The following OR9Q1 variants were observed in gnomAD, a reference collection of about 807,000 sequenced individuals.
OR9Q1 encodes olfactory receptor family 9 subfamily Q member 1, also known as olfactory receptor 9Q1.
For synonymous variants in OR9Q1, 153 were observed against 148.6 expected (o/e 1.03, Z -0.22); for missense variants, 374 against 378.8 (o/e 0.99, Z 0.11).
rs1232813620 is a variant in OR9Q1 at position 58,120,827 on chromosome 11, T to TATAC, written c.-14-58603_-14-58602insTACA. 2.5e-3 allele frequency among the ~76,000 whole-genome samples: 369 copies of TATAC among 145,104 alleles called. 1 individual carries two copies. The highest frequency in any genetic ancestry group is 4.3e-3 in the Admixed American group (63 of 14,552). The stretch of plus-strand genomic sequence containing the variant: ...CCATATATATATATATATATATATA[T>TATAC]ACATATATTCTTGTTTTTTGACTGA... On this transcript the variant is annotated intron_variant, in intron 2 of 2. Transcript: ENST00000335397.
At chr11:58,043,499 C>T (rs1320330362) in intron 1 of OR9Q1, among the ~76,000 whole-genome samples, 1 of 152,190 alleles carries the variant, frequency 6.6e-6, no homozygotes, top group Non-Finnish European at 1.5e-5. Flanking sequence ...AGAGTCCATG[C>T]TCCAGAGTCC....
intron 1 of OR9Q1, among the ~76,000 whole-genome samples, chr11:58,024,801 C>T (rs956471672): frequency 6.6e-6 from 1 of 152,156 alleles, no homozygotes; most frequent in Non-Finnish European, 1.5e-5. Flanking sequence ...CTCACTGGAG[C>T]CTGTGGGATA....
intron 2 of OR9Q1, among the ~76,000 whole-genome samples, chr11:58,113,265 A>C (rs1022858473): frequency 6.6e-6 from 1 of 152,230 alleles, no homozygotes; most frequent in Non-Finnish European, 1.5e-5. Flanking sequence ...AATGAAGTCC[A>C]GAGAAGTGAC....
At chr11:58,148,861 C>G (rs1468571347) in intron 2 of OR9Q1, among the ~76,000 whole-genome samples, 1 of 152,190 alleles carries the variant, frequency 6.6e-6, no homozygotes, top group African/African-American at 2.4e-5. Flanking sequence ...TGTAGCGGAT[C>G]TGCGAAGTTG....
At chr11:58,098,468 C>T (rs899666071) in intron 2 of OR9Q1, among the ~76,000 whole-genome samples, 3 of 151,036 alleles carry the variant, frequency 2.0e-5, no homozygotes, top group Non-Finnish European at 4.4e-5. Flanking sequence ...GTAGTTATGC[C>T]TTTTACTAAT....
chr11:58,081,793 C>CTTTT (rs201892501), intron 2 of OR9Q1, among the ~76,000 whole-genome samples: 2 of 128,148 alleles, frequency 1.6e-5, no homozygotes, highest in African/African-American at 3.0e-5. Flanking sequence ...ATGATAGTTT[C>CTTTT]TTTTTTTTTT....
intron 1 of OR9Q1, among the ~76,000 whole-genome samples, chr11:58,027,422 G>C (rs1318708587): frequency 1.3e-5 from 2 of 152,188 alleles, no homozygotes; most frequent in Non-Finnish European, 1.5e-5. Context: ...CTTGTAGCCT[G>C]TTTGTGTATG....
chr11:58,024,168 A>G (rs1264225320), intron 1 of OR9Q1, 64 bp downstream of exon 1: 1 of 152,360 alleles, frequency 6.6e-6, no homozygotes, highest in Non-Finnish European at 1.5e-5. Flanking sequence ...GGCTGTCTGC[A>G]TGTTGGAAAG....
chr11:58,064,624 A>G (rs1853411138), intron 2 of OR9Q1, among the ~76,000 whole-genome samples: 1 of 152,132 alleles, frequency 6.6e-6, no homozygotes, highest in Admixed American at 6.6e-5. Flanking sequence ...GATCCCTGAG[A>G]TGCAGGAGTC....
chr11:58,150,239 T>C (rs892612902), intron 2 of OR9Q1, among the ~76,000 whole-genome samples: 4 of 152,190 alleles, frequency 2.6e-5, no homozygotes, highest in Non-Finnish European at 5.9e-5. Flanking sequence ...TCCATGTTCT[T>C]ATTGGCCACT....
Position 58,088,522 on chromosome 11 carries a change from A to C in OR9Q1, c.-15+32575A>C, listed in dbSNP as rs150018298. The stretch of plus-strand genomic sequence containing the variant: ...TTTTAATAATTGCCATTCTAACTGG[A>C]ATGAGATGGTATCTCATTGTGGTTT... On this transcript the variant is annotated intron_variant, in intron 2 of 2. Transcript: ENST00000335397. Among the ~76,000 whole-genome samples the C allele has an allele frequency of 3.8e-3, 571 of 151,904 alleles. 13 individuals are homozygous for C. The highest frequency in any genetic ancestry group is 0.017 in the East Asian group (87 of 5,176).
chr11:58,056,727 A>G (rs761500789), intron 2 of OR9Q1, among the ~76,000 whole-genome samples: 1 of 152,112 alleles, frequency 6.6e-6, no homozygotes, highest in Non-Finnish European at 1.5e-5. Flanking sequence ...CCCCTTATCT[A>G]GTCCATTAGT....
At chr11:58,026,682 C>CAAAAAAAAA (rs61606334) in intron 1 of OR9Q1, 1 of 77,464 alleles carries the variant, frequency 1.3e-5, no homozygotes, top group Non-Finnish European at 2.3e-5. Context: ...ACTCTGTAAC[C>CAAAAAAAAA]AAAAAAAAAA....
chr11:58,101,024 G>A (rs895657828), intron 2 of OR9Q1, among the ~76,000 whole-genome samples: 1 of 152,008 alleles, frequency 6.6e-6, no homozygotes, highest in Non-Finnish European at 1.5e-5. Context: ...GAAGTGTAGT[G>A]GGGTTGGAAG....
intron 2 of OR9Q1, among the ~76,000 whole-genome samples, chr11:58,129,235 TCGTG>T (rs1371035304): frequency 3.5e-5 from 4 of 114,664 alleles, no homozygotes; most frequent in Non-Finnish European, 5.5e-5. Context: ...GCAGAGCAAT[TCGTG>T]TGTGTGTGTG....
chr11:58,122,344 T>A (rs1854041830), intron 2 of OR9Q1, among the ~76,000 whole-genome samples: 1 of 152,178 alleles, frequency 6.6e-6, no homozygotes, highest in African/African-American at 2.4e-5. Context: ...AAGGCCTTCA[T>A]GGTATGGTTC....
intron 2 of OR9Q1, among the ~76,000 whole-genome samples, chr11:58,173,809 T>C (rs558793416): frequency 6.6e-6 from 1 of 152,280 alleles, no homozygotes; most frequent in South Asian, 2.1e-4. Context: ...GAGCATTTAT[T>C]GTGGTTATTC....
chr11:58,174,345 A>G (rs1428198829), intron 2 of OR9Q1, among the ~76,000 whole-genome samples: 1 of 152,146 alleles, frequency 6.6e-6, no homozygotes, highest in African/African-American at 2.4e-5. Flanking sequence ...AGCTTGGTCA[A>G]GTTAGCCGAG....
intron 2 of OR9Q1, among the ~76,000 whole-genome samples, chr11:58,107,511 T>C (rs1312652335): frequency 6.6e-6 from 1 of 152,210 alleles, no homozygotes. Flanking sequence ...CAGTCTATCA[T>C]TGATGGACAT....
Sources: allele counts gnomAD v4.1 joint callset (sites outside exome capture counted in the v4.1 genomes callset), GRCh38; gene constraint gnomAD v4.1.1; transcripts MANE v1.5; gene names NCBI Gene and HGNC (gene_info 2026-07-23, HGNC 2026-07-21).